DNER: variants seen among roughly 807,000 people sequenced by gnomAD.
DNER encodes delta/notch like EGF repeat containing.
Under a neutral mutation model 78.2 loss-of-function variants are expected in DNER, and 33 were observed. The observed-to-expected ratio is 0.42, with a 90% CI of 0.32 to 0.56. The LOEUF is 0.56. Ranked by LOEUF, DNER falls within the 20% of genes least tolerant of loss-of-function variation. The pLI, the probability that DNER is intolerant of heterozygous loss-of-function variation, is 0.11. For synonymous variants in DNER, 417 were observed against 384.8 expected (o/e 1.08, Z -0.98); for missense variants, 918 against 975.3 (o/e 0.94, Z 0.78).
chr2:229,410,347 G>A (rs1195034336), intron 9 of DNER, among the ~76,000 whole-genome samples: 2 of 152,158 alleles, frequency 1.3e-5, no homozygotes, highest in Non-Finnish European at 1.5e-5. Context: ...AGCAGAGGCC[G>A]TATCATAATG....
At chr2:229,403,170 G>T (rs1407231852) in intron 10 of DNER, among the ~76,000 whole-genome samples, 1 of 152,152 alleles carries the variant, frequency 6.6e-6, no homozygotes, top group Non-Finnish European at 1.5e-5. Context: ...TCAGTAGCTG[G>T]CCAAGTGTAA....
At chr2:229,460,258 G>C (rs537494525) in intron 7 of DNER, among the ~76,000 whole-genome samples, 1 of 149,836 alleles carries the variant, frequency 6.7e-6, no homozygotes, top group Non-Finnish European at 1.5e-5. Flanking sequence ...AAATAATTCA[G>C]ATATCAAATT....
intron 4 of DNER, among the ~76,000 whole-genome samples, chr2:229,554,861 A>G (rs541001177): frequency 1.7e-4 from 6 of 35,646 alleles, no homozygotes; most frequent in Admixed American, 1.3e-3. Context: ...AAAGGAAAAG[A>G]GAAGAGAAGA....
In DNER at chr2:229,508,603, TG is replaced by T. The variant is rs1245793393; in HGVS notation, c.1147+4179del. Among the ~76,000 whole-genome samples, 6 of 152,234 alleles carry T rather than the reference TG, an allele frequency of 3.9e-5. No homozygotes were observed. The East Asian group carries it at 1.2e-3, about 29-fold the overall frequency. On this transcript the variant is annotated intron_variant, in intron 6 of 12. Transcript: ENST00000341772. Reference sequence around the variant, plus strand: ...AAAATGATTAAAAAGGAAAACAGGCTGGGCGCGGTGGCTCATGCCTGTAATC... The same window carrying T: ...AAAATGATTAAAAAGGAAAACAGGCTGGCGCGGTGGCTCATGCCTGTAATC...
At chr2:229,487,342 C>T (rs1415915568) in intron 6 of DNER, among the ~76,000 whole-genome samples, 1 of 152,350 alleles carries the variant, frequency 6.6e-6, no homozygotes, top group South Asian at 2.1e-4. Flanking sequence ...ATGCATCACT[C>T]TCTCTAATAT....
intron 12 of DNER, among the ~76,000 whole-genome samples, chr2:229,362,219 C>T (rs149577699): frequency 6.6e-6 from 1 of 152,300 alleles, no homozygotes; most frequent in Non-Finnish European, 1.5e-5. Flanking sequence ...GATTGATCAT[C>T]TCATCTCATC....
In DNER at chr2:229,536,987, T is replaced by G. The variant is rs1031734587; in HGVS notation, c.993+9960A>C. Among the ~76,000 whole-genome samples the G allele has an allele frequency of 3.9e-5, 6 of 152,190 alleles. No individual in the cohort carries two copies. The South Asian group carries it at 8.3e-4, about 21-fold the overall frequency. ...ATACAACACATGCCAAATAAGACCA[T>G]GGAAGAGAGGGGCTGAATCTTCTAA... On this transcript the variant is annotated intron_variant, in intron 5 of 12. Coordinates refer to ENST00000341772, the MANE Select transcript of DNER (RefSeq NM_139072.4).
intron 1 of DNER, among the ~76,000 whole-genome samples, chr2:229,600,141 G>A (rs1296684606): frequency 1.3e-5 from 2 of 152,182 alleles, no homozygotes; most frequent in East Asian, 1.9e-4. Context: ...CCAAAATTTA[G>A]AAATTGTTAG....
At chr2:229,554,727 G>T (rs761204211) in intron 4 of DNER, among the ~76,000 whole-genome samples, 1 of 151,562 alleles carries the variant, frequency 6.6e-6, no homozygotes, top group African/African-American at 2.4e-5. Flanking sequence ...TTAGTTGGGC[G>T]TGATGGCACA....
chr2:229,475,441 A>G (rs60195609), intron 7 of DNER, among the ~76,000 whole-genome samples: 18,950 of 149,250 alleles, frequency 0.13, 1,326 homozygotes, highest in South Asian at 0.21. Flanking sequence ...GTCTTTGTAC[A>G]TGGGAGTCTC....
chr2:229,452,714 C>T (rs557524898), intron 7 of DNER, among the ~76,000 whole-genome samples: 119 of 152,294 alleles, frequency 7.8e-4, no homozygotes, highest in Admixed American at 1.6e-3. Flanking sequence ...CTGCAACCTC[C>T]GCCTCCTGGA....
At position 229,591,664 on chromosome 2, in the gene DNER, A is replaced by G. The variant is rs1697608573; in HGVS notation, c.501T>C (p.Pro167=). The change falls in exon 2 of 13, where the codon CCT becomes CCC. Residue 167 remains proline (P), a synonymous_variant. Coordinates refer to ENST00000341772, the MANE Select transcript of DNER (RefSeq NM_139072.4). The surrounding 1 kb of genome is among the most constrained non-coding windows in gnomAD (Gnocchi z 4.6). ...PATQEPDKIL[P]RSQATVTLPT... ...GCAGTGTCACCGTTGCCTGAGAGCG[A>G]GGCAGGATTTTGTCAGGCTCCTGAG... is the stretch of plus-strand genomic sequence containing the variant. The G allele has an allele frequency of 6.2e-7, 1 of 1,614,170 alleles. No homozygotes were observed.
At chr2:229,695,724 T>A (rs570300253) in intron 1 of DNER, among the ~76,000 whole-genome samples, 109 of 152,304 alleles carry the variant, frequency 7.2e-4, no homozygotes, top group Non-Finnish European at 1.3e-3. Context: ...CTCTACCTCT[T>A]TCCCAGTATT....
At chr2:229,610,312 C>T (rs1470979385) in intron 1 of DNER, among the ~76,000 whole-genome samples, 5 of 152,150 alleles carry the variant, frequency 3.3e-5, no homozygotes, top group African/African-American at 7.2e-5. Flanking sequence ...GGCCTCACAG[C>T]GCATGGACAC....
In DNER at chr2:229,397,469, A is replaced by AAAAAAAAAAAAAC. The variant is rs1693172712; in HGVS notation, c.1724-9074_1724-9073insGTTTTTTTTTTTT. 2.7e-5 allele frequency among the ~76,000 whole-genome samples: 4 copies of AAAAAAAAAAAAAC among 150,572 alleles called. No homozygotes were observed. In the East Asian group the frequency reaches 5.8e-4, roughly 22 times the overall value. On this transcript the variant is annotated intron_variant, in intron 10 of 12. Coordinates refer to ENST00000341772, the MANE Select transcript of DNER (RefSeq NM_139072.4). ...CCACTCCAGCCAAACACTACAAAAA[A>AAAAAAAAAAAAAC]AAAAAAAAAACTGCAAGTCCCCTCA... is the stretch of plus-strand genomic sequence containing the variant.
intron 9 of DNER, among the ~76,000 whole-genome samples, chr2:229,417,090 C>T (rs945914491): frequency 6.6e-6 from 1 of 152,188 alleles, no homozygotes; most frequent in African/African-American, 2.4e-5. Context: ...ACGTCATACT[C>T]CAACAGAAGC....
At chr2:229,395,639 C>T (rs1693120249) in intron 10 of DNER, among the ~76,000 whole-genome samples, 1 of 152,232 alleles carries the variant, frequency 6.6e-6, no homozygotes, top group African/African-American at 2.4e-5. Context: ...TGGCTCATGC[C>T]TGTAATCCCA....
chr2:229,388,755 G>T (rs1692956502), intron 10 of DNER, among the ~76,000 whole-genome samples: 1 of 147,462 alleles, frequency 6.8e-6, no homozygotes, highest in Admixed American at 6.8e-5. Flanking sequence ...TTTCCGGGTT[G>T]ATCAGAAAAA....
intron 4 of DNER, among the ~76,000 whole-genome samples, chr2:229,551,933 A>G (rs957019168): frequency 4.6e-5 from 7 of 151,576 alleles, no homozygotes; most frequent in African/African-American, 1.7e-4. Context: ...TCCATCTCAA[A>G]AAATAAATAA....
Sources: allele counts gnomAD v4.1 joint callset (sites outside exome capture counted in the v4.1 genomes callset), GRCh38; gene constraint gnomAD v4.1.1; non-coding constraint Gnocchi (gnomAD v3.1); transcripts MANE v1.5; gene names NCBI Gene and HGNC (gene_info 2026-07-23, HGNC 2026-07-21).